MAPK3: variants seen among roughly 807,000 people sequenced by gnomAD.
The protein encoded by MAPK3 is mitogen-activated protein kinase 3.
MAPK3 carries 30 observed loss-of-function variants against 41.8 expected under a neutral mutation model. The observed-to-expected ratio is 0.72, with a 90% CI of 0.54 to 0.97. The LOEUF (loss-of-function observed/expected upper bound fraction) is 0.97. Ranked by LOEUF, MAPK3 falls within the 50% of genes least tolerant of loss-of-function variation. MAPK3 has a pLI of 0.00. For synonymous variants in MAPK3, 222 were observed against 213.4 expected (o/e 1.04, Z -0.35); for missense variants, 413 against 509.9 (o/e 0.81, Z 1.83).
intron 1 of MAPK3, 145 bp downstream of exon 1, chr16:30,122,895 T>A: frequency 1.5e-6 from 1 of 676,796 alleles, no homozygotes. Context: ...GCCCCCTCCC[T>A]GGGACGCTCC....
intron 2 of MAPK3, among the ~76,000 whole-genome samples, chr16:30,119,409 C>T (rs966827856): frequency 6.6e-6 from 1 of 152,084 alleles, no homozygotes; most frequent in Admixed American, 6.6e-5. Context: ...ACCTCGGCCT[C>T]CCAAAGTGCT....
At chr16:30,117,083 C>T (rs1046480761) in intron 6 of MAPK3, 71 bp downstream of exon 6, 5 of 1,601,494 alleles carry the variant, frequency 3.1e-6, no homozygotes, top group East Asian at 4.5e-5. Flanking sequence ...TCTCCTCCAG[C>T]GGCTGCTGGG....
At chr16:30,116,508 A>G (rs1248757703) in intron 8 of MAPK3, 128 bp downstream of exon 8, 2 of 1,056,874 alleles carry the variant, frequency 1.9e-6, no homozygotes, top group South Asian at 1.5e-5. Context: ...GTCACCAGAC[A>G]CATTGACCAT....
At chr16:30,117,317 C>T (rs765632688) in intron 5 of MAPK3, 32 bp from the exon 6 acceptor site, 1 of 1,611,084 alleles carries the variant, frequency 6.2e-7, no homozygotes, top group East Asian at 2.2e-5. Flanking sequence ...GGTAAATGAT[C>T]ACCTCTTTCT....
At chr16:30,119,904 C>T (rs776514469) in intron 2 of MAPK3, among the ~76,000 whole-genome samples, 2 of 152,216 alleles carry the variant, frequency 1.3e-5, no homozygotes, top group Non-Finnish European at 2.9e-5. Flanking sequence ...CATGGTGGCT[C>T]ATGCCTGTAA....
chr16:30,117,290 G>A lies in MAPK3; in HGVS notation c.776-5C>T. 1 of 1,613,760 alleles carries A rather than the reference G, an allele frequency of 6.2e-7. No homozygotes were observed. The highest frequency in any genetic ancestry group is 1.1e-5 in the South Asian group (1 of 91,004). On this transcript the variant is annotated splice_polypyrimidine_tract_variant and splice_region_variant and intron_variant, in intron 5 of 8. Coordinates refer to ENST00000263025, the MANE Select transcript of MAPK3 (RefSeq NM_002746.3). The stretch of plus-strand genomic sequence containing the variant: ...GGGATGGGGAGCCCAGGATGCCTGT[G>A]GATAAGGAGGTGACTTGGTAAATGA...
Position 30,123,078 on chromosome 16 carries a change from C to T in MAPK3, c.132G>A (p.Gln44=). Residue 44 remains glutamine, a synonymous_variant, in exon 1 of 9, where the codon CAG becomes CAA. Coordinates refer to ENST00000263025, the MANE Select transcript of MAPK3 (RefSeq NM_002746.3). ...QPFDVGPRYT[Q]LQYIGEGAYG... is the part of the protein sequence containing the mutation. ...ACGCGCCCTCGCCGATGTACTGCAA[C>T]TGCGTGTAGCGCGGGCCCACGTCGA... The T allele has an allele frequency of 6.3e-7, 1 of 1,576,152 alleles. No individual in the cohort carries two copies. Among genetic ancestry groups the T allele is most frequent in the East Asian group, 2.6e-5 (1 of 38,816 alleles).
chr16:30,117,002 G>A lies in MAPK3; in HGVS notation c.909C>T (p.Ala303=), dbSNP rs751288261. The A allele has an allele frequency of 6.2e-7, 1 of 1,600,148 alleles. No individual in the cohort carries two copies. Among genetic ancestry groups the A allele is most frequent in the South Asian group, 1.1e-5 (1 of 89,078 alleles). ...TTAACATCCGGTCCAGCAGGTCAAG[G>A]GCTATGGAAGGGCAGGAGTCAGGGG... is the stretch of plus-strand genomic sequence containing the variant. ...AKLFPKSDSK[A]LDLLDRMLTF... is the part of the protein sequence containing the mutation. The change falls in exon 7 of 9, where the codon GCC becomes GCT. Residue 303 remains alanine, a splice_region_variant and synonymous_variant. Coordinates refer to ENST00000263025, the MANE Select transcript of MAPK3 (RefSeq NM_002746.3).
chr16:30,121,780 G>T lies in MAPK3; in HGVS notation c.353+44C>A, dbSNP rs199574765. On this transcript the variant is annotated intron_variant, in intron 2 of 8. Coordinates refer to ENST00000263025, the MANE Select transcript of MAPK3 (RefSeq NM_002746.3). The stretch of plus-strand genomic sequence containing the variant: ...CAAGCAACGGGTCCCCAGCCCAGCT[G>T]CGAGGCCGTGCCTGACCAGCCGACT... The T allele has an allele frequency of 1.3e-5, 21 of 1,586,110 alleles. No individual in the cohort carries two copies. In the Admixed American group the frequency reaches 2.0e-4, roughly 15 times the overall value.
At position 30,114,589 on chromosome 16, in the gene MAPK3, G is replaced by C. The variant is rs1474397121; in HGVS notation, c.*152C>G. ...GGCCTGCCTGAAGCTGGAGGCCTCA[G>C]CAAAGGAGAGAGGTGGCCAGGCCCA... On this transcript the variant is annotated 3_prime_UTR_variant, in exon 9 of 9. Coordinates refer to ENST00000263025, the MANE Select transcript of MAPK3 (RefSeq NM_002746.3). The C allele has an allele frequency of 6.6e-6, 1 of 152,598 alleles. No homozygotes were observed. Among genetic ancestry groups the C allele is most frequent in the South Asian group, 2.1e-4 (1 of 4,836 alleles). 9.5% of individuals were successfully genotyped at this position (152,598 alleles called of 1,614,324 possible). A position where few individuals can be genotyped will look rare whatever the true frequency, so the allele number is the denominator to read the frequency against.
chr16:30,114,833 C>T (rs943521862), intron 8 of MAPK3, 125 bp from the exon 9 acceptor site: 1 of 152,222 alleles, frequency 6.6e-6, no homozygotes, highest in Non-Finnish European at 1.5e-5. Context: ...GTTTCCTTAT[C>T]TGTAAATGGA....
chr16:30,117,133 C>T (rs762790344), intron 6 of MAPK3, 21 bp downstream of exon 6: 1 of 1,613,970 alleles, frequency 6.2e-7, no homozygotes, highest in Non-Finnish European at 8.5e-7. Flanking sequence ...TATCCCACAC[C>T]CACCCTCATG....
chr16:30,117,634 A>T (rs1041270599), intron 5 of MAPK3, 36 bp downstream of exon 5: 1 of 1,530,950 alleles, frequency 6.5e-7, no homozygotes, highest in Non-Finnish European at 9.1e-7. Context: ...CGGAAAAGCT[A>T]ATCATCCCCA....
chr16:30,121,990 C>A lies in MAPK3; in HGVS notation c.187G>T (p.Val63Leu). 1 of 1,614,094 alleles carries A rather than the reference C, an allele frequency of 6.2e-7. No homozygotes were observed. Among genetic ancestry groups the A allele is most frequent in the Non-Finnish European group, 8.5e-7 (1 of 1,180,044 alleles). The change falls in exon 2 of 9, where the codon GTG becomes TTG. Residue 63 changes from valine (V) to leucine (L), a missense_variant. Val to Leu is a conservative substitution (Grantham distance 32). This residue lies in a region of MAPK3 where 145 missense variants were observed against 133.0 expected (regional missense o/e 1.09). Coordinates refer to ENST00000263025, the MANE Select transcript of MAPK3 (RefSeq NM_002746.3). ...YGMVSSAYDH[V>L]RKTRVAIKKI... ...TTGATGGCCACGCGAGTCTTGCGCA[C>A]GTGGTCATAGGCCGAGCTGAGGGGA...
chr16:30,118,186 A>C, intron 3 of MAPK3, 23 bp from the exon 4 acceptor site: 1 of 1,609,734 alleles, frequency 6.2e-7, no homozygotes, highest in Non-Finnish European at 8.5e-7. Context: ...CTAGCTGCTA[A>C]GCTCGGCGCT....
chr16:30,116,522 T>C, intron 8 of MAPK3, 114 bp downstream of exon 8: 1 of 1,155,226 alleles, frequency 8.7e-7, no homozygotes, highest in Non-Finnish European at 1.2e-6. Flanking sequence ...TGACCATGGG[T>C]GTGGGGTAAG....
In MAPK3 at chr16:30,114,276, C is replaced by T. The variant is rs928434699; in HGVS notation, c.*465G>A. On this transcript the variant is annotated 3_prime_UTR_variant, in exon 9 of 9. Coordinates refer to ENST00000263025, the MANE Select transcript of MAPK3 (RefSeq NM_002746.3). ...GGGGATTCGGCCCGGCCTGGCTCCT[C>T]AGGGATGCTAGCCCTTGAGACTAAG... 6.6e-6 allele frequency: 1 copy of T among 152,366 alleles called. No homozygotes were observed. The highest frequency in any genetic ancestry group is 6.6e-5 in the Admixed American group (1 of 15,262). 9.4% of individuals were successfully genotyped at this position (152,366 alleles called of 1,614,324 possible).
At chr16:30,121,785 G>T in intron 2 of MAPK3, 39 bp downstream of exon 2, 1 of 1,596,456 alleles carries the variant, frequency 6.3e-7, no homozygotes. Context: ...CAGCTGCGAG[G>T]CCGTGCCTGA....
chr16:30,120,423 G>C (rs947346056), intron 2 of MAPK3, among the ~76,000 whole-genome samples: 1 of 152,054 alleles, frequency 6.6e-6, no homozygotes. Flanking sequence ...GGGTGGGGCA[G>C]GGAAGAAGTG....
Sources: allele counts gnomAD v4.1 joint callset (sites outside exome capture counted in the v4.1 genomes callset), GRCh38; gene constraint gnomAD v4.1.1; regional missense constraint gnomAD v4.1.1; transcripts MANE v1.5; gene names NCBI Gene and HGNC (gene_info 2026-07-23, HGNC 2026-07-21).